Variants in LINGO2 observed in about 807,000 individuals in gnomAD.
LINGO2 encodes the protein leucine rich repeat and Ig domain containing 2, also known as leucine-rich repeat and immunoglobulin-like domain-containing nogo receptor-interacting protein 2.
A neutral mutation model predicts 30.6 loss-of-function variants in LINGO2; 14 were observed. The ratio of observed to expected loss-of-function variants is 0.46; its 90% CI spans 0.30 to 0.72. The LOEUF (loss-of-function observed/expected upper bound fraction) is 0.72, where lower values mean the gene tolerates loss of function less well. LINGO2 is among the 30% of genes least tolerant of loss of function. LINGO2 has a pLI of 0.07. For synonymous variants in LINGO2, 317 were observed against 288.5 expected (o/e 1.10, Z -1.00); for missense variants, 729 against 751.7 (o/e 0.97, Z 0.35).
the LINGO2 span, among the ~76,000 whole-genome samples, chr9:28,925,259 G>C: frequency 6.6e-6 from 1 of 152,176 alleles, no homozygotes; most frequent in Non-Finnish European, 1.5e-5. Flanking sequence ...TAAGTCTTTG[G>C]AATGTCCTTT....
chr9:28,539,233 G>A (rs1302086176), intron 1 of LINGO2, among the ~76,000 whole-genome samples: 1 of 151,760 alleles, frequency 6.6e-6, no homozygotes, highest in African/African-American at 2.4e-5. Flanking sequence ...TTATAAAGTG[G>A]GTCTTTTAAT....
intron 4 of LINGO2, among the ~76,000 whole-genome samples, chr9:28,141,688 G>A (rs924430360): frequency 3.3e-4 from 50 of 152,026 alleles, no homozygotes; most frequent in Admixed American, 3.0e-3. Context: ...AGGCTGAGGC[G>A]GGCGGATCAC....
the LINGO2 span, among the ~76,000 whole-genome samples, chr9:29,038,975 A>G: frequency 6.6e-6 from 1 of 152,170 alleles, no homozygotes; most frequent in African/African-American, 2.4e-5. Context: ...CTGGGTGCAC[A>G]TTAGTCAGGT....
intron 3 of LINGO2, among the ~76,000 whole-genome samples, chr9:28,328,044 G>T (rs58096430): frequency 0.062 from 9,427 of 152,194 alleles, 356 homozygotes; most frequent in East Asian, 0.18. Flanking sequence ...GCATCAGAAA[G>T]CTCTTAGCAG....
At chr9:28,179,016 T>C (rs150846689) in intron 4 of LINGO2, among the ~76,000 whole-genome samples, 1 of 152,138 alleles carries the variant, frequency 6.6e-6, no homozygotes, top group African/African-American at 2.4e-5. Context: ...AAGGATAATA[T>C]AGTTTTTGCA....
chr9:28,190,053 G>A (rs1413977460), intron 4 of LINGO2, among the ~76,000 whole-genome samples: 1 of 152,120 alleles, frequency 6.6e-6, no homozygotes, highest in Non-Finnish European at 1.5e-5. Context: ...GAATTGTAGT[G>A]TTGTAAGTTC....
the LINGO2 span, among the ~76,000 whole-genome samples, chr9:28,797,015 A>G: frequency 6.6e-6 from 1 of 151,646 alleles, no homozygotes; most frequent in Non-Finnish European, 1.5e-5. Context: ...GAGATCAACA[A>G]TGAAACATTT....
At chr9:28,001,140 T>A (rs1821929616) in intron 5 of LINGO2, among the ~76,000 whole-genome samples, 1 of 150,144 alleles carries the variant, frequency 6.7e-6, no homozygotes, top group Admixed American at 6.6e-5. Flanking sequence ...TCCAAACAAA[T>A]TTTTTTTTAA....
the LINGO2 span, among the ~76,000 whole-genome samples, chr9:28,903,604 T>C: frequency 2.6e-5 from 4 of 152,016 alleles, no homozygotes; most frequent in African/African-American, 9.7e-5. Flanking sequence ...GTCTCTGGAG[T>C]AGCTGGGACT....
intron 3 of LINGO2, among the ~76,000 whole-genome samples, chr9:28,320,567 G>A (rs1057398483): frequency 2.0e-5 from 3 of 152,122 alleles, no homozygotes; most frequent in Non-Finnish European, 4.4e-5. Flanking sequence ...ATCTTTAGAC[G>A]TTCACTTAGG....
the LINGO2 span, among the ~76,000 whole-genome samples, chr9:28,906,414 ATTT>A: frequency 1.4e-4 from 22 of 151,882 alleles, no homozygotes; most frequent in Admixed American, 1.2e-3. Flanking sequence ...AATACATATA[ATTT>A]TTATTTATAA....
the LINGO2 span, among the ~76,000 whole-genome samples, chr9:29,074,496 A>G: frequency 1.3e-5 from 2 of 152,048 alleles, no homozygotes; most frequent in Non-Finnish European, 2.9e-5. Flanking sequence ...TTCTTGTAAT[A>G]TAGACTGTAT....
At chr9:28,559,162 C>T (rs1822908069) in intron 1 of LINGO2, among the ~76,000 whole-genome samples, 1 of 152,054 alleles carries the variant, frequency 6.6e-6, no homozygotes, top group Non-Finnish European at 1.5e-5. Flanking sequence ...ACACTGTCAG[C>T]ACTTTATTGG....
At chr9:29,011,376 C>G in the LINGO2 span, among the ~76,000 whole-genome samples, 1 of 144,870 alleles carries the variant, frequency 6.9e-6, no homozygotes, top group South Asian at 2.3e-4. Context: ...CACCACTGTT[C>G]CCAGGGGCTG....
intron 1 of LINGO2, among the ~76,000 whole-genome samples, chr9:28,513,090 C>CACAG (rs2135372445): frequency 5.9e-5 from 1 of 16,814 alleles, no homozygotes; most frequent in East Asian, 2.0e-3. Flanking sequence ...ATCATACACA[C>CACAG]ACACACACAC....
At chr9:28,894,711 C>A in the LINGO2 span, among the ~76,000 whole-genome samples, 1 of 151,536 alleles carries the variant, frequency 6.6e-6, no homozygotes, top group Non-Finnish European at 1.5e-5. Context: ...AATATAATTT[C>A]CCTTTAAAAT....
Position 28,329,912 on chromosome 9 carries a change from C to A in LINGO2, c.-245-34546G>T, listed in dbSNP as rs1478376516. 6.6e-6 allele frequency among the ~76,000 whole-genome samples: 1 copy of A among 152,126 alleles called. No homozygotes were observed. Among genetic ancestry groups the A allele is most frequent in the Non-Finnish European group, 1.5e-5 (1 of 68,020 alleles). Reference sequence around the variant, plus strand: ...TTGTGTATTTAGCTCTTCCAATAGACACTTTCTTTTAATTTTTATGTATTT... The same window carrying A: ...TTGTGTATTTAGCTCTTCCAATAGAAACTTTCTTTTAATTTTTATGTATTT... On this transcript the variant is annotated intron_variant, in intron 3 of 5. Transcript: ENST00000379992. This position sits in a 1 kb window ranked among gnomAD's most constrained non-coding sequence, Gnocchi z 4.5.
At chr9:28,247,703 T>C (rs1173442271) in intron 4 of LINGO2, among the ~76,000 whole-genome samples, 1 of 152,074 alleles carries the variant, frequency 6.6e-6, no homozygotes, top group African/African-American at 2.4e-5. Context: ...ATGGCACTCA[T>C]ATACCTTTGT....
At chr9:28,348,179 A>G (rs1819668608) in intron 3 of LINGO2, among the ~76,000 whole-genome samples, 1 of 152,188 alleles carries the variant, frequency 6.6e-6, no homozygotes, top group African/African-American at 2.4e-5. Flanking sequence ...TCCAGTCTAC[A>G]GCTCCCAGCG....
Sources: allele counts gnomAD v4.1 joint callset (sites outside exome capture counted in the v4.1 genomes callset), GRCh38; gene constraint gnomAD v4.1.1; non-coding constraint Gnocchi (gnomAD v3.1); transcripts MANE v1.5; gene names NCBI Gene and HGNC (gene_info 2026-07-23, HGNC 2026-07-21).